Variants in BTBD9 observed in about 807,000 individuals in gnomAD.
BTBD9 encodes BTB/POZ domain-containing protein 9.
Under a neutral mutation model 64.3 loss-of-function variants are expected in BTBD9, and 49 were observed. That is an observed-to-expected ratio of 0.76 (90% confidence interval 0.61 to 0.97). The LOEUF (loss-of-function observed/expected upper bound fraction) is 0.97. BTBD9 is among the 50% of genes least tolerant of loss of function. The pLI, the probability that BTBD9 is intolerant of heterozygous loss-of-function variation, is 0.00. For missense variants in BTBD9, 598 were observed against 762.1 expected (o/e 0.78, Z 2.53); for synonymous variants, 260 against 274.7 (o/e 0.95, Z 0.53).
intron 6 of BTBD9, among the ~76,000 whole-genome samples, chr6:38,401,194 T>G (rs1442962204): frequency 1.3e-5 from 2 of 152,206 alleles, no homozygotes; most frequent in South Asian, 2.1e-4. Flanking sequence ...CATGCTGTTC[T>G]CATGATAGTG....
At chr6:38,448,273 T>C (rs1582446907) in intron 6 of BTBD9, among the ~76,000 whole-genome samples, 1 of 150,370 alleles carries the variant, frequency 6.7e-6, no homozygotes, top group African/African-American at 2.5e-5. Context: ...CCTTATCAAA[T>C]GAGGAAAGGA....
rs779339072 is a variant in BTBD9, at chr6:38,174,804, C to T, written c.*181G>A. ...CCTGATTTGGATAAATTGAGAAGAA[C>T]AAAGCAGCCCCTTTCTGTCCTTGGG... On this transcript the variant is annotated 3_prime_UTR_variant, in exon 11 of 11. Coordinates refer to ENST00000481247, the MANE Select transcript of BTBD9 (RefSeq NM_001099272.2). The T allele has an allele frequency of 5.5e-4, 391 of 705,594 alleles. 1 individual carries two copies. The highest frequency in any genetic ancestry group is 1.3e-3 in the Admixed American group (48 of 37,050). The allele number at this position is 705,594 out of a possible 1,614,324, so 43.7% of individuals were successfully genotyped here. A position where few individuals can be genotyped will look rare whatever the true frequency, so the allele number is the denominator to read the frequency against.
intron 10 of BTBD9, among the ~76,000 whole-genome samples, chr6:38,190,359 A>G (rs1485708608): frequency 6.6e-6 from 1 of 151,586 alleles, no homozygotes; most frequent in Non-Finnish European, 1.5e-5. Flanking sequence ...ATCCCAGCTA[A>G]CTGGGAGGCT....
chr6:38,515,088 A>T (rs1772957093), intron 6 of BTBD9, among the ~76,000 whole-genome samples: 1 of 152,222 alleles, frequency 6.6e-6, no homozygotes, highest in Non-Finnish European at 1.5e-5. Context: ...TGCCTGGAAA[A>T]AAAAAAGGTA....
intron 8 of BTBD9, among the ~76,000 whole-genome samples, chr6:38,283,140 T>C (rs1761585287): frequency 6.6e-6 from 1 of 152,182 alleles, no homozygotes; most frequent in Non-Finnish European, 1.5e-5. Context: ...GGTATCTGAC[T>C]CACTAAGAGG....
intron 1 of BTBD9, among the ~76,000 whole-genome samples, chr6:38,633,814 A>G (rs1054509902): frequency 6.6e-6 from 1 of 152,150 alleles, no homozygotes; most frequent in Non-Finnish European, 1.5e-5. Flanking sequence ...ATACATCTCT[A>G]TACGCGTCAT....
chr6:38,577,784 T>A, intron 5 of BTBD9, 65 bp from the exon 6 acceptor site: 3 of 1,433,406 alleles, frequency 2.1e-6, no homozygotes, highest in Non-Finnish European at 2.9e-6. Context: ...AAGCTGTACT[T>A]TAATAAAGTG....
At chr6:38,422,309 C>G (rs913780649) in intron 6 of BTBD9, among the ~76,000 whole-genome samples, 1 of 152,198 alleles carries the variant, frequency 6.6e-6, no homozygotes, top group Non-Finnish European at 1.5e-5. Flanking sequence ...TACCCAGCAT[C>G]TCAGAAGCCC....
chr6:38,542,539 CATGAG>C (rs1475489762), intron 6 of BTBD9, among the ~76,000 whole-genome samples: 2 of 152,148 alleles, frequency 1.3e-5, no homozygotes, highest in Non-Finnish European at 2.9e-5. Context: ...AAGTGCCACC[CATGAG>C]ATCCTATCTG....
At chr6:38,349,956 A>G (rs1479912457) in intron 6 of BTBD9, among the ~76,000 whole-genome samples, 3 of 152,310 alleles carry the variant, frequency 2.0e-5, no homozygotes, top group Admixed American at 2.0e-4. Flanking sequence ...AGCATGAGGA[A>G]GCAAGGGAAC....
chr6:38,601,854 C>T (rs528093420), intron 1 of BTBD9, among the ~76,000 whole-genome samples: 20 of 151,942 alleles, frequency 1.3e-4, no homozygotes, highest in Non-Finnish European at 2.6e-4. Context: ...AAAGTAACCA[C>T]ATAAAATAAT....
At chr6:38,517,767 T>C (rs1050720065) in intron 6 of BTBD9, among the ~76,000 whole-genome samples, 1 of 152,318 alleles carries the variant, frequency 6.6e-6, no homozygotes, top group South Asian at 2.1e-4. Context: ...TGTCTCTTCT[T>C]AGTTTGTTGT....
intron 6 of BTBD9, among the ~76,000 whole-genome samples, chr6:38,366,026 G>A (rs1765172599): frequency 6.6e-6 from 1 of 152,074 alleles, no homozygotes; most frequent in Non-Finnish European, 1.5e-5. Context: ...AAATTATATT[G>A]AACTCTGGTT....
At chr6:38,332,031 G>A (rs768718559) in intron 7 of BTBD9, among the ~76,000 whole-genome samples, 9 of 152,100 alleles carry the variant, frequency 5.9e-5, no homozygotes, top group East Asian at 5.8e-4. Flanking sequence ...AATTATTAGC[G>A]AGGCAAAACG....
intron 7 of BTBD9, among the ~76,000 whole-genome samples, chr6:38,333,783 T>C (rs898916675): frequency 1.3e-5 from 2 of 152,180 alleles, no homozygotes; most frequent in African/African-American, 2.4e-5. Context: ...TATGTCTTTA[T>C]AGCAGTGTGA....
At chr6:38,517,876 C>G (rs184202721) in intron 6 of BTBD9, among the ~76,000 whole-genome samples, 42 of 152,284 alleles carry the variant, frequency 2.8e-4, no homozygotes, top group Non-Finnish European at 5.3e-4. Context: ...GACCTGCAAC[C>G]CTCCAAGAAA....
intron 6 of BTBD9, among the ~76,000 whole-genome samples, chr6:38,529,845 C>T (rs1347210401): frequency 6.6e-6 from 1 of 152,048 alleles, no homozygotes; most frequent in Non-Finnish European, 1.5e-5. Context: ...AATCAGTGCA[C>T]CTTGAAAAAG....
At position 38,387,363 on chromosome 6, in the gene BTBD9, C is replaced by T. The variant is rs539621891; in HGVS notation, c.1155-42270G>A. 2.6e-5 allele frequency among the ~76,000 whole-genome samples: 4 copies of T among 152,212 alleles called. No individual in the cohort carries two copies. In the South Asian group the frequency reaches 8.3e-4, roughly 32 times the overall value. ...ACCAGCCTGGCCAACATGGTGAAAC[C>T]CCGTCTCTACTAAAAATACAAAAAT... On this transcript the variant is annotated intron_variant, in intron 6 of 10. Coordinates refer to ENST00000481247, the MANE Select transcript of BTBD9 (RefSeq NM_001099272.2).
intron 4 of BTBD9, chr6:38,587,272 A>T (rs1776578342): frequency 5.9e-6 from 2 of 337,518 alleles, no homozygotes; most frequent in African/African-American, 4.5e-5. Flanking sequence ...GGTGGCCTCC[A>T]CAAGCCCTCT....
Sources: allele counts gnomAD v4.1 joint callset (sites outside exome capture counted in the v4.1 genomes callset), GRCh38; gene constraint gnomAD v4.1.1; transcripts MANE v1.5; gene names NCBI Gene and HGNC (gene_info 2026-07-23, HGNC 2026-07-21).